The following CPM variants were observed in gnomAD, a reference collection of about 807,000 sequenced individuals.
CPM encodes the protein renal carboxypeptidase.
CPM carries 35 observed loss-of-function variants against 46.4 expected under a neutral mutation model. The ratio of observed to expected loss-of-function variants is 0.75; its 90% CI spans 0.58 to 1.00. The LOEUF is 1.00. CPM is among the 50% of genes least tolerant of loss of function. The pLI is 0.00. For synonymous variants in CPM, 195 were observed against 195.3 expected (o/e 1.00, Z 0.01); for missense variants, 422 against 530.4 (o/e 0.80, Z 2.01).
At chr12:68,893,655 G>C (rs540202694) in intron 2 of CPM, among the ~76,000 whole-genome samples, 1 of 152,312 alleles carries the variant, frequency 6.6e-6, no homozygotes, top group South Asian at 2.1e-4. Context: ...TTTAATATGG[G>C]AATGAGAGGA....
rs1884785272 is a variant in CPM at position 68,852,876 on chromosome 12, A to AT, written c.*3560_*3561insA. 1 of 152,024 alleles carries AT rather than the reference A, an allele frequency of 6.6e-6. No individual in the cohort carries two copies. The highest frequency in any genetic ancestry group is 2.4e-5 in the African/African-American group (1 of 41,326). 9.4% of individuals were successfully genotyped at this position (152,024 alleles called of 1,614,324 possible). A position where few individuals can be genotyped will look rare whatever the true frequency, so the allele number is the denominator to read the frequency against. ...CGTGCCTGACTGCTGCTTTCTAAAT[A>AT]CCATTTCACTCCCACATTTTTCTCC... On this transcript the variant is annotated 3_prime_UTR_variant, in exon 9 of 9. Transcript: ENST00000551568.
At chr12:68,845,307 T>C (rs985829920) in intron 5 of CPM, 2 of 213,500 alleles carry the variant, frequency 9.4e-6, no homozygotes. Flanking sequence ...GAGGGACTTT[T>C]TGACATTTAC....
exon 6 of CPM, chr12:68,842,235 G>C (rs1883827062): frequency 4.0e-6 from 2 of 498,078 alleles, no homozygotes; most frequent in South Asian, 3.1e-5. Flanking sequence ...TATTTATAAT[G>C]AACAAATTCA....
At chr12:68,888,042 G>A (rs1886510224) in intron 2 of CPM, among the ~76,000 whole-genome samples, 1 of 152,158 alleles carries the variant, frequency 6.6e-6, no homozygotes, top group South Asian at 2.1e-4. Flanking sequence ...ATGAAACAAG[G>A]AACTTTTCAT....
At chr12:68,867,355 A>G (rs1416637170) in intron 6 of CPM, among the ~76,000 whole-genome samples, 1 of 152,214 alleles carries the variant, frequency 6.6e-6, no homozygotes, top group South Asian at 2.1e-4. Flanking sequence ...TACAAAAATG[A>G]TTCTTTGAAT....
chr12:68,874,722 T>C (rs1321119568), intron 3 of CPM, among the ~76,000 whole-genome samples: 1 of 152,136 alleles, frequency 6.6e-6, no homozygotes, highest in Non-Finnish European at 1.5e-5. Context: ...AGGAGTCCCA[T>C]AGTTCCTTAA....
intron 1 of CPM, among the ~76,000 whole-genome samples, chr12:68,949,264 A>C (rs1394302706): frequency 2.6e-5 from 4 of 152,174 alleles, no homozygotes; most frequent in African/African-American, 9.7e-5. Flanking sequence ...CCAGCTACTC[A>C]GGGGGCTGAG....
intron 1 of CPM, among the ~76,000 whole-genome samples, chr12:68,949,499 T>C (rs1293662611): frequency 6.6e-6 from 1 of 152,256 alleles, no homozygotes; most frequent in Non-Finnish European, 1.5e-5. Context: ...CTTACCACCT[T>C]CATCCTCTTC....
At chr12:68,847,196 T>TATATATATATATATATATATATATATATA (rs1884363867), downstream of CPM, 5 of 92,058 alleles carry the variant, frequency 5.4e-5, no homozygotes, top group South Asian at 2.7e-4. Context: ...TGTGTGTACA[T>TATATATATATATATATATATATATATATA]TATATATATA....
intron 2 of CPM, among the ~76,000 whole-genome samples, chr12:68,889,897 G>C (rs1475041768): frequency 6.6e-6 from 1 of 152,128 alleles, no homozygotes; most frequent in Non-Finnish European, 1.5e-5. Flanking sequence ...ATGTACCCCT[G>C]ATCGAGAAAC....
Position 68,925,769 on chromosome 12 carries a change from C to T in CPM, c.160+6909G>A, listed in dbSNP as rs185999268. On this transcript the variant is annotated intron_variant, in intron 2 of 8. Coordinates refer to ENST00000551568, the MANE Select transcript of CPM (RefSeq NM_198320.5). ...TAAATGAACTAGAATTCCTTTTGTA[C>T]GCAGGAAAAAATTAATAATAACAAA... Among the ~76,000 whole-genome samples, 95 of 151,914 alleles carry T rather than the reference C, an allele frequency of 6.3e-4. 1 individual carries two copies. The highest frequency in any genetic ancestry group is 2.0e-3 in the African/African-American group (84 of 41,412).
chr12:68,873,540 C>T (rs191966927), intron 3 of CPM, among the ~76,000 whole-genome samples: 10 of 151,978 alleles, frequency 6.6e-5, no homozygotes, highest in Admixed American at 3.9e-4. Context: ...TGACACAGAC[C>T]TATGGCCCCA....
intron 2 of CPM, chr12:68,913,918 T>C: frequency 1.4e-6 from 1 of 716,290 alleles, no homozygotes; most frequent in South Asian, 1.4e-5. Context: ...CAAAAGAATT[T>C]ACAGTCACAT....
rs139872492 is a variant in CPM at position 68,874,294 on chromosome 12, G to A, written c.259-2338C>T. 1.0e-3 allele frequency among the ~76,000 whole-genome samples: 156 copies of A among 152,166 alleles called. 1 individual carries two copies. Among genetic ancestry groups the A allele is most frequent in the Admixed American group, 8.2e-3 (126 of 15,284 alleles). On this transcript the variant is annotated intron_variant, in intron 3 of 8. Coordinates refer to ENST00000551568, the MANE Select transcript of CPM (RefSeq NM_198320.5). ...CCCTAAAGCCAGTGGGGAGGAGCTG[G>A]TAACATAAAACTGTGACAGTAACTT...
intron 1 of CPM, among the ~76,000 whole-genome samples, chr12:68,956,230 C>T (rs956215896): frequency 3.3e-5 from 5 of 152,232 alleles, no homozygotes; most frequent in African/African-American, 1.2e-4. Context: ...AAAATCGGAG[C>T]AGGTGCCAGG....
upstream of CPM, among the ~76,000 whole-genome samples, chr12:68,936,342 A>G (rs748572621): frequency 2.6e-5 from 4 of 152,216 alleles, no homozygotes; most frequent in Non-Finnish European, 4.4e-5. Flanking sequence ...AGCCTAATAG[A>G]GTAAAATACT....
At chr12:68,890,550 G>A (rs7315435) in intron 2 of CPM, among the ~76,000 whole-genome samples, 34,590 of 152,134 alleles carry the variant, frequency 0.23, 4,640 homozygotes, top group African/African-American at 0.38. Flanking sequence ...TGATTCCAAA[G>A]ATCTGTGCTC....
At chr12:68,911,623 G>T (rs916659623) in intron 2 of CPM, among the ~76,000 whole-genome samples, 2 of 152,210 alleles carry the variant, frequency 1.3e-5, no homozygotes, top group African/African-American at 4.8e-5. Context: ...GCAGGGCCAC[G>T]CTTCAAGGCT....
chr12:68,916,352 A>G (rs1184737512), intron 2 of CPM, among the ~76,000 whole-genome samples: 1 of 152,206 alleles, frequency 6.6e-6, no homozygotes, highest in African/African-American at 2.4e-5. Context: ...ACTACATATA[A>G]TCACCATTGA....
Sources: allele counts gnomAD v4.1 joint callset (sites outside exome capture counted in the v4.1 genomes callset), GRCh38; gene constraint gnomAD v4.1.1; transcripts MANE v1.5; gene names NCBI Gene and HGNC (gene_info 2026-07-23, HGNC 2026-07-21).